Variants in NOTCH1 observed in about 807,000 individuals in gnomAD.
NOTCH1 encodes the protein notch receptor 1.
A neutral mutation model predicts 254.8 loss-of-function variants in NOTCH1; 37 were observed. The ratio of observed to expected loss-of-function variants is 0.15; its 90% CI spans 0.11 to 0.19. The LOEUF is 0.19. NOTCH1 is among the 10% of genes least tolerant of loss of function. The pLI, the probability that NOTCH1 is intolerant of heterozygous loss-of-function variation, is 1.00. For missense variants in NOTCH1, 2,972 were observed against 3,708.6 expected (o/e 0.80, Z 5.16); for synonymous variants, 1,731 against 1,618.1 (o/e 1.07, Z -1.68).
chr9:136,525,136 G>A (rs1480767635), intron 2 of NOTCH1, among the ~76,000 whole-genome samples: 7 of 152,154 alleles, frequency 4.6e-5, no homozygotes, highest in South Asian at 2.1e-4. Context: ...CATTACAGCC[G>A]GGGAAACCAA....
At chr9:136,498,249 G>A (rs1287429724) in intron 33 of NOTCH1, among the ~76,000 whole-genome samples, 1 of 151,386 alleles carries the variant, frequency 6.6e-6, no homozygotes. Context: ...GGCGGGGGTG[G>A]GGGTTCTGGC....
At position 136,519,496 on chromosome 9, in the gene NOTCH1, G is replaced by A. The variant is rs2133372749; in HGVS notation, c.812C>T (p.Ala271Val). 1 of 1,612,992 alleles carries A rather than the reference G, an allele frequency of 6.2e-7. No individual in the cohort carries two copies. Among genetic ancestry groups the A allele is most frequent in the South Asian group, 1.1e-5 (1 of 91,090 alleles). The change falls in exon 5 of 34, where the codon GCC (alanine) becomes GTC (valine). Residue 271 changes from alanine to valine, a missense_variant. This residue lies in a region of NOTCH1 where 374 missense variants were observed against 496.3 expected (regional missense o/e 0.75). Coordinates refer to ENST00000651671, the MANE Select transcript of NOTCH1 (RefSeq NM_017617.5). The stretch of plus-strand genomic sequence containing the variant: ...GTAGGTGTTCACGCCGTCCACACAG[G>A]CACCCCCGTTCTTGCAGTTGTTTCC... ...CPGNNCKNGGACVDGVNTYNC... is the reference protein window; with the variant it reads ...CPGNNCKNGGVCVDGVNTYNC...
chr9:136,500,241 C>T (rs1281405166), intron 31 of NOTCH1, among the ~76,000 whole-genome samples: 1 of 152,204 alleles, frequency 6.6e-6, no homozygotes, highest in East Asian at 1.9e-4. Flanking sequence ...GGAACCTGGA[C>T]CTTGAGCAAG....
chr9:136,509,091 C>A lies in NOTCH1; in HGVS notation c.2970-20G>T, dbSNP rs367927174. On this transcript the variant is annotated intron_variant, in intron 18 of 33. Coordinates refer to ENST00000651671, the MANE Select transcript of NOTCH1 (RefSeq NM_017617.5). ...CAGGAGCTGCAAGGGGGTGGGCAGG[C>A]GGGGGCTGAGTGGAGGGCATTGGTG... 11 of 1,546,806 alleles carry A rather than the reference C, an allele frequency of 7.1e-6. No individual in the cohort carries two copies. The highest frequency in any genetic ancestry group is 9.6e-6 in the Non-Finnish European group (11 of 1,144,864).
Position 136,513,030 on chromosome 9 carries a change from G to A in NOTCH1, c.2458C>T (p.Pro820Ser), listed in dbSNP as rs1379596542. The change falls in exon 15 of 34, where the codon CCC (proline) becomes TCC (serine). Residue 820 changes from proline (P) to serine (S), a missense_variant. Physicochemically the swap from Pro to Ser is moderately conservative, Grantham distance 74. Coordinates refer to ENST00000651671, the MANE Select transcript of NOTCH1 (RefSeq NM_017617.5). The surrounding 1 kb of genome is among the most constrained non-coding windows in gnomAD (Gnocchi z 4.7). ...VAGYKCNCLL[P>S]YTGATCEVVL... ...CCCACCCACCCCTCACCTGTGTAGG[G>A]CAGCAGGCAGTTGCACTTGTACCCG... The A allele has an allele frequency of 4.4e-5, 70 of 1,607,364 alleles. No homozygotes were observed. Among genetic ancestry groups the A allele is most frequent in the Non-Finnish European group, 5.1e-5 (60 of 1,175,832 alleles).
chr9:136,522,016 C>G lies in NOTCH1; in HGVS notation c.742+834G>C, dbSNP rs1265340961. On this transcript the variant is annotated intron_variant, in intron 4 of 33. Transcript: ENST00000651671. ...TTTTTGAGACGGAGTCTCGCTCTGT[C>G]GCCCAGGCTGGAGTGCAGTGGCGGG... Among the ~76,000 whole-genome samples, 5 of 146,780 alleles carry G rather than the reference C, an allele frequency of 3.4e-5. No individual in the cohort carries two copies. The East Asian group carries it at 6.0e-4, about 18-fold the overall frequency.
rs2133378839 is a variant in NOTCH1 at position 136,523,706 on chromosome 9, T to A, written c.403+11A>T. ...GTCTGCCCACCCCTCAGGCTGTGGG[T>A]CCTCCCTCACCTGACCAGCCGGGCG... On this transcript the variant is annotated intron_variant, in intron 3 of 33. Transcript: ENST00000651671. The A allele has an allele frequency of 6.3e-7, 1 of 1,595,326 alleles. No individual in the cohort carries two copies.
chr9:136,516,992 G>T (rs560879614), intron 9 of NOTCH1, among the ~76,000 whole-genome samples: 1 of 149,432 alleles, frequency 6.7e-6, no homozygotes, highest in African/African-American at 2.5e-5. Flanking sequence ...GGAGGCCGGG[G>T]TGCAGACGGC....
At chr9:136,518,340 G>A in intron 6 of NOTCH1, 48 bp from the exon 7 acceptor site, 1 of 1,580,660 alleles carries the variant, frequency 6.3e-7, no homozygotes, top group Non-Finnish European at 8.6e-7. Flanking sequence ...GGCCAGGCAT[G>A]GCACACCACC....
chr9:136,523,292 T>G (rs376058039), intron 3 of NOTCH1, 104 bp from the exon 4 acceptor site: 2 of 1,172,886 alleles, frequency 1.7e-6, no homozygotes, highest in African/African-American at 1.5e-5. Flanking sequence ...GGCTCCACCT[T>G]AGGTGCTATC....
intron 8 of NOTCH1, 152 bp downstream of exon 8, chr9:136,517,600 G>T: frequency 9.5e-7 from 1 of 1,054,382 alleles, no homozygotes; most frequent in Non-Finnish European, 1.4e-6. Flanking sequence ...CCTGTGGCCT[G>T]GCCTCAGTTT....
intron 2 of NOTCH1, among the ~76,000 whole-genome samples, chr9:136,537,779 G>A (rs1044834187): frequency 6.6e-6 from 1 of 152,146 alleles, no homozygotes; most frequent in African/African-American, 2.4e-5. Context: ...CTGTGTGACA[G>A]GGTGAGACCC....
chr9:136,532,991 G>A (rs1327404041), intron 2 of NOTCH1, among the ~76,000 whole-genome samples: 4 of 152,200 alleles, frequency 2.6e-5, no homozygotes, highest in African/African-American at 7.2e-5. Flanking sequence ...GCCCAGCCAG[G>A]CCCGTCCACC....
chr9:136,520,672 A>G (rs1012223170), intron 4 of NOTCH1, among the ~76,000 whole-genome samples: 2 of 152,028 alleles, frequency 1.3e-5, no homozygotes, highest in African/African-American at 4.8e-5. Flanking sequence ...TGGGAGGTCA[A>G]GGCTGCAGTG....
intron 2 of NOTCH1, among the ~76,000 whole-genome samples, chr9:136,534,706 A>G (rs1157009447): frequency 6.6e-6 from 1 of 152,050 alleles, no homozygotes; most frequent in South Asian, 2.1e-4. Flanking sequence ...GGTAGTGGCC[A>G]CTCACAGACT....
rs763886355 is a variant in NOTCH1, at chr9:136,515,636, C to T, written c.1750G>A (p.Val584Ile). The T allele has an allele frequency of 2.4e-5, 38 of 1,599,758 alleles. No individual in the cohort carries two copies. The highest frequency in any genetic ancestry group is 6.8e-5 in the Admixed American group (4 of 58,610). ...PCHYGSCKDG[V>I]ATFTCLCRPG... The stretch of plus-strand genomic sequence containing the variant: ...CGGCAGAGGCAGGTGAAGGTGGCGA[C>T]GCCGTCCTTGCAGGAGCCGTAGTGG... The change falls in exon 11 of 34, where the codon GTC (valine) becomes ATC (isoleucine). Residue 584 changes from valine (V) to isoleucine (I), a missense_variant. Physicochemically the swap from Val to Ile is conservative, Grantham distance 29 (BLOSUM62 3). Coordinates refer to ENST00000651671, the MANE Select transcript of NOTCH1 (RefSeq NM_017617.5).
chr9:136,544,122 G>GAGAGGTCAGTC lies in NOTCH1; in HGVS notation c.62-31_62-21dup. ...GCGGGCCTAGGCAGGGGCAGGAGAA[G>GAGAGGTCAGTC]AGAGGTCAGTCTCACCCGCACCACC... On this transcript the variant is annotated intron_variant, in intron 1 of 33. Transcript: ENST00000651671. 1 of 1,558,172 alleles carries GAGAGGTCAGTC rather than the reference G, an allele frequency of 6.4e-7. No homozygotes were observed. The highest frequency in any genetic ancestry group is 8.7e-7 in the Non-Finnish European group (1 of 1,151,700).
intron 5 of NOTCH1, 64 bp downstream of exon 5, chr9:136,519,379 A>G (rs1843330305): frequency 1.2e-6 from 2 of 1,600,506 alleles, no homozygotes; most frequent in African/African-American, 2.7e-5. Flanking sequence ...CTGTGAGTGC[A>G]GTTTAGTAAG....
chr9:136,497,004 C>T lies in NOTCH1; in HGVS notation c.6735G>A (p.Gly2245=), dbSNP rs1207050624. The part of the protein sequence containing the change: ...PGMPDTHLGI[G]HLNVAAKPEM... The stretch of plus-strand genomic sequence containing the variant: ...CGGGCTTGGCCGCCACGTTCAGGTG[C>T]CCGATGCCCAGGTGGGTGTCGGGCA... Residue 2245 remains glycine, a synonymous_variant, in exon 34 of 34, where the codon GGG becomes GGA. Coordinates refer to ENST00000651671, the MANE Select transcript of NOTCH1 (RefSeq NM_017617.5). The T allele has an allele frequency of 1.9e-6, 3 of 1,609,810 alleles. No individual in the cohort carries two copies. Among genetic ancestry groups the T allele is most frequent in the East Asian group, 2.2e-5 (1 of 44,826 alleles).
Sources: allele counts gnomAD v4.1 joint callset (sites outside exome capture counted in the v4.1 genomes callset), GRCh38; gene constraint gnomAD v4.1.1; regional missense constraint gnomAD v4.1.1; non-coding constraint Gnocchi (gnomAD v3.1); transcripts MANE v1.5; gene names NCBI Gene and HGNC (gene_info 2026-07-23, HGNC 2026-07-21).